The following WNT5B variants were observed in gnomAD, a reference collection of about 807,000 sequenced individuals.
WNT5B encodes the protein protein Wnt-5b.
In WNT5B, 18 loss-of-function variants were observed where a neutral mutation model predicts 36.5. That is an observed-to-expected ratio of 0.49 (90% CI 0.34 to 0.73). The LOEUF is 0.73. Ranked by LOEUF, WNT5B falls within the 30% of genes least tolerant of loss-of-function variation. The pLI is 0.01. For synonymous variants in WNT5B, 213 were observed against 212.3 expected, an observed-to-expected ratio of 1.00 and a Z score of -0.03; for missense variants, 424 against 508.4, an observed-to-expected ratio of 0.83 and a Z score of 1.60.
upstream of WNT5B, among the ~76,000 whole-genome samples, chr12:1,625,482 G>T (rs1182148054): frequency 6.6e-6 from 1 of 152,148 alleles, no homozygotes; most frequent in African/African-American, 2.4e-5. Flanking sequence ...AGCAAGGCCT[G>T]CTCCTCCTCC....
At chr12:1,645,077 G>A (rs2094582793) in intron 4 of WNT5B, 1 of 152,218 alleles carries the variant, frequency 6.6e-6, no homozygotes, top group Non-Finnish European at 1.5e-5. Context: ...ATGGGGAAAG[G>A]GACCATTTAA....
chr12:1,631,470 C>T (rs755828366), intron 2 of WNT5B, 36 bp downstream of exon 2: 3 of 1,613,374 alleles, frequency 1.9e-6, no homozygotes, highest in Non-Finnish European at 2.5e-6. Flanking sequence ...CCTGCACAGC[C>T]GGAGGCCTCC....
At chr12:1,628,677 T>G (rs2094544456), upstream of WNT5B, among the ~76,000 whole-genome samples, 1 of 152,166 alleles carries the variant, frequency 6.6e-6, no homozygotes, top group African/African-American at 2.4e-5. Flanking sequence ...TCAGCCCCCA[T>G]ACAGCTTCCT....
At chr12:1,625,252 G>A (rs2094539467), upstream of WNT5B, among the ~76,000 whole-genome samples, 1 of 152,168 alleles carries the variant, frequency 6.6e-6, no homozygotes, top group Non-Finnish European at 1.5e-5. Flanking sequence ...GGGAAAACTG[G>A]TATTGTGTCT....
At chr12:1,623,490 C>T (rs576654719) in intron 1 of WNT5B, among the ~76,000 whole-genome samples, 16 of 152,212 alleles carry the variant, frequency 1.1e-4, no homozygotes, top group African/African-American at 2.4e-4. Context: ...CCACCGCGCC[C>T]GGCCTCTTTG....
intron 3 of WNT5B, among the ~76,000 whole-genome samples, chr12:1,638,543 G>C (rs1451722996): frequency 6.6e-6 from 1 of 152,184 alleles, no homozygotes; most frequent in Admixed American, 6.5e-5. Flanking sequence ...GGTGATTTGG[G>C]CTTGCATGTC....
chr12:1,628,942 C>T (rs2094545053), upstream of WNT5B, among the ~76,000 whole-genome samples: 1 of 151,606 alleles, frequency 6.6e-6, no homozygotes. Flanking sequence ...TGTGCACGCG[C>T]GCGTGCATAT....
chr12:1,630,258 C>T lies in WNT5B; in HGVS notation c.-58+887C>T, dbSNP rs1458043385. Reference sequence around the variant, plus strand: ...GGCCCCGGGGAGGCCGCTGGGGGCGCGGGTCACGCCCAGACGGGGGCCCCG... The same window carrying T: ...GGCCCCGGGGAGGCCGCTGGGGGCGTGGGTCACGCCCAGACGGGGGCCCCG... On this transcript the variant is annotated intron_variant, in intron 1 of 4. Transcript: ENST00000397196. This position sits in a 1 kb window ranked among gnomAD's most constrained non-coding sequence, Gnocchi z 5.3. The T allele has an allele frequency of 4.1e-6, 4 of 983,710 alleles. No homozygotes were observed. Among genetic ancestry groups the T allele is most frequent in the Non-Finnish European group, 4.8e-6 (4 of 828,512 alleles). The allele number at this position is 983,710 out of a possible 1,614,324, so 60.9% of individuals were successfully genotyped here. A position where few individuals can be genotyped will look rare whatever the true frequency, so the allele number is the denominator to read the frequency against.
Position 1,645,994 on chromosome 12 carries a change from C to A in WNT5B, c.822C>A (p.Thr274=), listed in dbSNP as rs749697742. 8.1e-6 allele frequency: 13 copies of A among 1,611,846 alleles called. No homozygotes were observed. In the South Asian group the frequency reaches 1.4e-4, roughly 18 times the overall value. ...ELVNSRFTQP[T]PEDLVYVDPS... ...TCAACAGCCGCTTCACCCAGCCCAC[C>A]CCGGAGGACCTGGTCTATGTGGACC... Residue 274 remains threonine, a synonymous_variant, in exon 5 of 5, where the codon ACC becomes ACA. Coordinates refer to ENST00000397196, the MANE Select transcript of WNT5B (RefSeq NM_032642.3).
In WNT5B at chr12:1,644,890, C is replaced by T. The variant is rs1463722235; in HGVS notation, c.622-904C>T. 1 of 152,224 alleles carries T rather than the reference C, an allele frequency of 6.6e-6. No individual in the cohort carries two copies. Among genetic ancestry groups the T allele is most frequent in the Non-Finnish European group, 1.5e-5 (1 of 68,050 alleles). 9.4% of individuals were successfully genotyped at this position (152,224 alleles called of 1,614,324 possible). On this transcript the variant is annotated intron_variant, in intron 4 of 4. Coordinates refer to ENST00000397196, the MANE Select transcript of WNT5B (RefSeq NM_032642.3). This position sits in a 1 kb window ranked among gnomAD's most constrained non-coding sequence, Gnocchi z 5.1. ...TAGACTTGTTTTAGATGAACCGCTC[C>T]TGCAGGCAGGCCCAGCTGCTTGCAG...
intron 4 of WNT5B, among the ~76,000 whole-genome samples, chr12:1,641,992 GC>G (rs2094576347): frequency 6.6e-6 from 1 of 152,218 alleles, no homozygotes; most frequent in Non-Finnish European, 1.5e-5. Flanking sequence ...TGGGTTATAT[GC>G]CCAGGGTCTT....
At chr12:1,619,419 G>A (rs1294997265) in intron 1 of WNT5B, among the ~76,000 whole-genome samples, 1 of 152,160 alleles carries the variant, frequency 6.6e-6, no homozygotes, top group Non-Finnish European at 1.5e-5. Context: ...ACCCTCGGGA[G>A]AAATAATTAA....
At chr12:1,639,166 C>T (rs1251078720) in intron 3 of WNT5B, among the ~76,000 whole-genome samples, 1 of 151,182 alleles carries the variant, frequency 6.6e-6, no homozygotes, top group Non-Finnish European at 1.5e-5. Context: ...GAGACAGAGT[C>T]TCACTCTGTC....
chr12:1,643,433 C>G (rs1051919179), intron 4 of WNT5B, among the ~76,000 whole-genome samples: 2 of 151,810 alleles, frequency 1.3e-5, no homozygotes, highest in African/African-American at 4.9e-5. Context: ...GGCGCGATCT[C>G]GGCTCACTGC....
intron 1 of WNT5B, among the ~76,000 whole-genome samples, chr12:1,623,744 C>T (rs184411588): frequency 6.6e-6 from 1 of 152,122 alleles, no homozygotes; most frequent in African/African-American, 2.4e-5. Context: ...TTCCATGAGC[C>T]CCTCACACCA....
intron 3 of WNT5B, among the ~76,000 whole-genome samples, chr12:1,637,285 C>G (rs2094563573): frequency 6.6e-6 from 1 of 152,106 alleles, no homozygotes; most frequent in African/African-American, 2.4e-5. Flanking sequence ...ATTCCTATGT[C>G]CATTTTTGTG....
chr12:1,641,660 T>C (rs192204106), intron 4 of WNT5B, among the ~76,000 whole-genome samples: 35 of 151,766 alleles, frequency 2.3e-4, no homozygotes, highest in African/African-American at 8.5e-4. Context: ...AAAAGTTAGC[T>C]GGACGTGGTG....
Position 1,644,095 on chromosome 12 carries a change from C to T in WNT5B, c.622-1699C>T, listed in dbSNP as rs1421999052. On this transcript the variant is annotated intron_variant, in intron 4 of 4. Coordinates refer to ENST00000397196, the MANE Select transcript of WNT5B (RefSeq NM_032642.3). This position sits in a 1 kb window ranked among gnomAD's most constrained non-coding sequence, Gnocchi z 5.1. ...AGTTTCCAACCCTTAATGTTTCCTC[C>T]TCTCAGCAGTGCCAGACGCCTGTCA... is the stretch of plus-strand genomic sequence containing the variant. 6.6e-6 allele frequency among the ~76,000 whole-genome samples: 1 copy of T among 152,172 alleles called. No individual in the cohort carries two copies. The highest frequency in any genetic ancestry group is 1.5e-5 in the Non-Finnish European group (1 of 68,036).
upstream of WNT5B, among the ~76,000 whole-genome samples, chr12:1,627,757 A>C (rs1246233865): frequency 6.6e-6 from 1 of 152,060 alleles, no homozygotes; most frequent in African/African-American, 2.4e-5. This position sits in a 1 kb window ranked among gnomAD's most constrained non-coding sequence, Gnocchi z 5.0. Flanking sequence ...CCCTCCCACC[A>C]TCCTGCCTAC....
Sources: gnomAD v4.1 joint callset for allele counts (sites outside exome capture counted in the v4.1 genomes callset) on GRCh38, gnomAD v4.1.1 for gene constraint, Gnocchi (gnomAD v3.1) non-coding constraint, MANE v1.5 for transcripts, NCBI Gene and HGNC (gene_info 2026-07-23, HGNC 2026-07-21) for gene names.